Variants in GRM7 observed in about 807,000 individuals in gnomAD.
The protein encoded by GRM7 is metabotropic glutamate receptor 7.
GRM7 carries 35 observed loss-of-function variants against 84.5 expected under a neutral mutation model. That is an observed-to-expected ratio of 0.41 (90% CI 0.32 to 0.55). The LOEUF (loss-of-function observed/expected upper bound fraction) is 0.55. Among genes scored for constraint, GRM7 ranks in the 20% least tolerant of loss-of-function variants. The pLI, the probability that GRM7 is intolerant of heterozygous loss-of-function variation, is 0.19. For synonymous variants in GRM7, 487 were observed against 455.1 expected (o/e 1.07, Z -0.89); for missense variants, 1,003 against 1,194.6 (o/e 0.84, Z 2.36).
chr3:7,191,092 A>T (rs1296678673), intron 2 of GRM7, among the ~76,000 whole-genome samples: 1 of 152,110 alleles, frequency 6.6e-6, no homozygotes, highest in East Asian at 1.9e-4. Flanking sequence ...TAGATTGCCC[A>T]TTGCTTTTGA....
intron 1 of GRM7, among the ~76,000 whole-genome samples, chr3:7,079,087 A>T (rs1698192745): frequency 6.6e-6 from 1 of 152,142 alleles, no homozygotes; most frequent in South Asian, 2.1e-4. Flanking sequence ...TATTAGTAGT[A>T]AAGTGAATTA....
intron 1 of GRM7, among the ~76,000 whole-genome samples, chr3:6,993,283 A>C (rs1356497034): frequency 6.6e-6 from 1 of 152,182 alleles, no homozygotes; most frequent in Non-Finnish European, 1.5e-5. Flanking sequence ...GGGAACTACA[A>C]TTCAAGATGA....
At chr3:7,080,903 T>C (rs1698255139) in intron 1 of GRM7, among the ~76,000 whole-genome samples, 2 of 152,050 alleles carry the variant, frequency 1.3e-5, no homozygotes, top group South Asian at 2.1e-4. Flanking sequence ...AGCAAATGAA[T>C]TAATCTAGTT....
At chr3:7,089,435 CT>C (rs1183767358) in intron 1 of GRM7, among the ~76,000 whole-genome samples, 31 of 152,154 alleles carry the variant, frequency 2.0e-4, no homozygotes, top group African/African-American at 7.5e-4. Flanking sequence ...GATATTGTTT[CT>C]CATTTAATTG....
At chr3:7,320,744 G>T (rs1700749171) in intron 4 of GRM7, among the ~76,000 whole-genome samples, 1 of 147,226 alleles carries the variant, frequency 6.8e-6, no homozygotes, top group Admixed American at 6.8e-5. Flanking sequence ...CCAACATAAT[G>T]TTTTGGAAAT....
chr3:7,052,664 T>C (rs1371925566), intron 1 of GRM7, among the ~76,000 whole-genome samples: 1 of 151,200 alleles, frequency 6.6e-6, no homozygotes, highest in Admixed American at 6.6e-5. Context: ...GTGTCTGACT[T>C]CTTTTATTCA....
intron 5 of GRM7, among the ~76,000 whole-genome samples, chr3:7,427,662 A>T (rs1696664967): frequency 6.6e-6 from 1 of 152,186 alleles, no homozygotes; most frequent in Non-Finnish European, 1.5e-5. Context: ...CTTTGCACAG[A>T]TGATAGTGAT....
At chr3:7,458,380 A>G (rs539192733) in intron 6 of GRM7, among the ~76,000 whole-genome samples, 24 of 152,274 alleles carry the variant, frequency 1.6e-4, no homozygotes, top group Middle Eastern at 3.4e-3. Flanking sequence ...TAAAATATAG[A>G]GTTCATTGAA....
chr3:7,231,827 CT>C (rs1322993012), intron 2 of GRM7, among the ~76,000 whole-genome samples: 7 of 152,188 alleles, frequency 4.6e-5, no homozygotes, highest in African/African-American at 1.7e-4. Context: ...AAGGTGTCCC[CT>C]TACTGCCCTC....
At chr3:7,490,922 A>G (rs1699495499) in intron 7 of GRM7, among the ~76,000 whole-genome samples, 1 of 152,096 alleles carries the variant, frequency 6.6e-6, no homozygotes, top group Non-Finnish European at 1.5e-5. Context: ...TAAATAATCT[A>G]AAACAAAAGA....
chr3:6,893,341 T>C (rs1348488174), intron 1 of GRM7, among the ~76,000 whole-genome samples: 1 of 152,186 alleles, frequency 6.6e-6, no homozygotes, highest in South Asian at 2.1e-4. Flanking sequence ...AATATTAATA[T>C]AAAGTAAATT....
chr3:7,137,772 C>T (rs1389842945), intron 1 of GRM7, among the ~76,000 whole-genome samples: 2 of 151,954 alleles, frequency 1.3e-5, no homozygotes, highest in Non-Finnish European at 1.5e-5. Context: ...CAGAAAAACC[C>T]ACATAATGTC....
At position 7,627,493 on chromosome 3, in the gene GRM7, G is replaced by A. The variant is rs138434817; in HGVS notation, c.2451+48136G>A. Among the ~76,000 whole-genome samples the A allele has an allele frequency of 3.5e-3, 540 of 152,294 alleles. 4 individuals carry two copies. Among genetic ancestry groups the A allele is most frequent in the African/African-American group, 0.012 (508 of 41,554 alleles). On this transcript the variant is annotated intron_variant, in intron 8 of 9. Transcript: ENST00000357716. ...TGGTAAGGAATTTTCCTTTGTAGGT[G>A]CAGAAAGGTCAGCATGACAGACATT...
Position 7,015,136 on chromosome 3 carries a change from C to A in GRM7, c.520-131316C>A, listed in dbSNP as rs554754832. ...GGGAATAAAGCTGCCCTACACCCCA[C>A]CCCCCCATAAGCCAGCAGTGGCAAC... On this transcript the variant is annotated intron_variant, in intron 1 of 9. Transcript: ENST00000357716. Among the ~76,000 whole-genome samples, 12 of 143,622 alleles carry A rather than the reference C, an allele frequency of 8.4e-5. No individual in the cohort carries two copies. The South Asian group carries it at 2.5e-3, about 30-fold the overall frequency. 94.2% of individuals were successfully genotyped at this position (143,622 alleles called of 152,430 possible).
chr3:7,435,078 CA>C (rs1415220963), intron 5 of GRM7, among the ~76,000 whole-genome samples: 6 of 151,930 alleles, frequency 3.9e-5, no homozygotes, highest in African/African-American at 1.4e-4. Flanking sequence ...TATTGGCAAG[CA>C]AAAACTTGTT....
At chr3:7,343,379 A>T (rs1187883973) in intron 4 of GRM7, among the ~76,000 whole-genome samples, 2 of 151,806 alleles carry the variant, frequency 1.3e-5, no homozygotes, top group African/African-American at 2.4e-5. Context: ...GACTACAGGG[A>T]TGTATTTTTA....
At chr3:6,951,829 T>C (rs184418656) in intron 1 of GRM7, among the ~76,000 whole-genome samples, 4 of 152,334 alleles carry the variant, frequency 2.6e-5, no homozygotes, top group African/African-American at 9.6e-5. Flanking sequence ...CACTTTTCTA[T>C]CTACTTATTC....
intron 1 of GRM7, among the ~76,000 whole-genome samples, chr3:7,038,620 A>G (rs899577100): frequency 2.0e-5 from 3 of 152,190 alleles, no homozygotes; most frequent in African/African-American, 4.8e-5. Context: ...TATTACTGCA[A>G]TTACTTTCAT....
intron 9 of GRM7, among the ~76,000 whole-genome samples, chr3:7,711,413 T>A (rs1010500744): frequency 6.6e-6 from 1 of 152,096 alleles, no homozygotes; most frequent in Non-Finnish European, 1.5e-5. Flanking sequence ...GCTAGTGTAG[T>A]GAGCGAGCAG....
Sources: allele counts gnomAD v4.1 joint callset (sites outside exome capture counted in the v4.1 genomes callset), GRCh38; gene constraint gnomAD v4.1.1; transcripts MANE v1.5; gene names NCBI Gene and HGNC (gene_info 2026-07-23, HGNC 2026-07-21).